Variants in ANXA3 observed in about 807,000 individuals in gnomAD.
ANXA3 encodes 35-alpha calcimedin.
Under a neutral mutation model 48.8 loss-of-function variants are expected in ANXA3, and 46 were observed. The observed-to-expected ratio is 0.94, with a 90% confidence interval of 0.74 to 1.21. The LOEUF is 1.21. ANXA3 is among the 50% of genes most tolerant of loss of function. The pLI is 0.00. For missense variants in ANXA3, 383 were observed against 378.6 expected, an observed-to-expected ratio of 1.01 and a Z score of -0.10; for synonymous variants, 128 against 134.7, an observed-to-expected ratio of 0.95 and a Z score of 0.35.
chr4:78,608,409 C>T (rs564787247), intron 12 of ANXA3, among the ~76,000 whole-genome samples: 13 of 152,060 alleles, frequency 8.5e-5, no homozygotes, highest in South Asian at 4.2e-4. Context: ...ATGTGGGGGC[C>T]AGATCATGCA....
intron 2 of ANXA3, among the ~76,000 whole-genome samples, chr4:78,557,725 C>T (rs1285267327): frequency 5.3e-5 from 8 of 150,760 alleles, no homozygotes; most frequent in Non-Finnish European, 1.2e-4. Flanking sequence ...TACCTCCTCT[C>T]CCTCAATTAA....
intron 1 of ANXA3, among the ~76,000 whole-genome samples, 154 bp from the exon 2 acceptor site, chr4:78,554,282 T>G (rs1308518003): frequency 6.6e-6 from 1 of 152,232 alleles, no homozygotes; most frequent in Non-Finnish European, 1.5e-5. Context: ...GTTTAGCAAA[T>G]GGGATACCCA....
At chr4:78,579,481 T>G (rs1023065454) in intron 4 of ANXA3, among the ~76,000 whole-genome samples, 8 of 152,278 alleles carry the variant, frequency 5.3e-5, no homozygotes, top group African/African-American at 9.6e-5. Context: ...GTAGTAGGCA[T>G]AGGTCAGGGA....
At chr4:78,595,498 T>C in intron 8 of ANXA3, 61 bp downstream of exon 8, 1 of 1,544,614 alleles carries the variant, frequency 6.5e-7, no homozygotes. Context: ...TGCCTTTGCA[T>C]TTATGTGAAA....
intron 4 of ANXA3, among the ~76,000 whole-genome samples, chr4:78,579,917 T>C (rs1723038192): frequency 6.6e-6 from 1 of 152,118 alleles, no homozygotes; most frequent in Non-Finnish European, 1.5e-5. Flanking sequence ...AGAGCAAGAC[T>C]CCGTCTCAAA....
intron 5 of ANXA3, among the ~76,000 whole-genome samples, chr4:78,585,320 G>A (rs750271986): frequency 6.6e-6 from 1 of 152,162 alleles, no homozygotes; most frequent in African/African-American, 2.4e-5. Context: ...CTTCTATCTT[G>A]AGGCTCTGCC....
intron 2 of ANXA3, among the ~76,000 whole-genome samples, chr4:78,558,748 C>T (rs1325472968): frequency 6.6e-6 from 1 of 152,218 alleles, no homozygotes; most frequent in Non-Finnish European, 1.5e-5. Context: ...TGTTCTACCA[C>T]TTCACCCTTG....
At chr4:78,597,508 C>G in intron 10 of ANXA3, 94 bp downstream of exon 10, 2 of 806,986 alleles carry the variant, frequency 2.5e-6, no homozygotes. Flanking sequence ...CCTGACTGAT[C>G]CATTTTTTTT....
chr4:78,598,179 C>CCA (rs57634883), intron 10 of ANXA3, among the ~76,000 whole-genome samples: 6,884 of 144,664 alleles, frequency 0.048, 335 homozygotes, highest in African/African-American at 0.12. Context: ...ATTAAAAAAA[C>CCA]CACACACACA....
At chr4:78,555,771 A>T (rs1722500027) in intron 2 of ANXA3, among the ~76,000 whole-genome samples, 1 of 152,042 alleles carries the variant, frequency 6.6e-6, no homozygotes, top group Non-Finnish European at 1.5e-5. Context: ...AGATCGCTTA[A>T]GCCCAAGAGG....
rs1346498703 is a variant in ANXA3 at position 78,601,490 on chromosome 4, T to C, written c.731-20T>C. The C allele has an allele frequency of 6.2e-7, 1 of 1,612,148 alleles. No individual in the cohort carries two copies. Among genetic ancestry groups the C allele is most frequent in the Non-Finnish European group, 8.5e-7 (1 of 1,178,352 alleles). On this transcript the variant is annotated intron_variant, in intron 10 of 12. Transcript: ENST00000264908. ...AATTTCTATTCCGTGAAGCTGAACA[T>C]TATTTGCTTTTTGTTACAGTTAATT...
At chr4:78,566,756 C>T (rs1029292588) in intron 2 of ANXA3, among the ~76,000 whole-genome samples, 6 of 152,154 alleles carry the variant, frequency 3.9e-5, no homozygotes, top group Non-Finnish European at 7.4e-5. Flanking sequence ...AAAGCCAAGA[C>T]TTCACCACCA....
At chr4:78,575,141 T>C (rs541147360) in intron 3 of ANXA3, among the ~76,000 whole-genome samples, 2 of 152,356 alleles carry the variant, frequency 1.3e-5, no homozygotes, top group East Asian at 3.8e-4. Context: ...TCCTCACTTG[T>C]GCATCTGCTT....
chr4:78,593,763 A>G (rs28840375), intron 7 of ANXA3, among the ~76,000 whole-genome samples: 4,942 of 142,856 alleles, frequency 0.035, 324 homozygotes, highest in African/African-American at 0.12. Context: ...CAGCCTCCTG[A>G]GTAACTGGGA....
chr4:78,582,746 T>C (rs963979343), intron 5 of ANXA3, among the ~76,000 whole-genome samples: 7 of 152,212 alleles, frequency 4.6e-5, no homozygotes, highest in Admixed American at 2.0e-4. Context: ...TCTTGACTGG[T>C]CCATATCAAT....
chr4:78,564,831 A>G (rs1722696532), intron 2 of ANXA3, among the ~76,000 whole-genome samples: 1 of 152,106 alleles, frequency 6.6e-6, no homozygotes, highest in Admixed American at 6.5e-5. Flanking sequence ...TGACTTTCAA[A>G]GAACTGAAGT....
At chr4:78,608,089 T>C (rs967161815) in intron 12 of ANXA3, among the ~76,000 whole-genome samples, 2 of 152,128 alleles carry the variant, frequency 1.3e-5, no homozygotes, top group Non-Finnish European at 2.9e-5. Context: ...ATCAAATGCA[T>C]ATTATGTGCT....
At chr4:78,573,771 G>A (rs1341027200) in intron 3 of ANXA3, among the ~76,000 whole-genome samples, 1 of 152,180 alleles carries the variant, frequency 6.6e-6, no homozygotes, top group Non-Finnish European at 1.5e-5. Flanking sequence ...TGAAACTGTA[G>A]TGCCACCCCT....
chr4:78,562,706 A>T (rs1220895041), intron 2 of ANXA3, among the ~76,000 whole-genome samples: 1 of 152,246 alleles, frequency 6.6e-6, no homozygotes, highest in African/African-American at 2.4e-5. Flanking sequence ...ACAATAAATG[A>T]AGAAATAAAT....
Sources: gnomAD v4.1 joint callset for allele counts (sites outside exome capture counted in the v4.1 genomes callset) on GRCh38, gnomAD v4.1.1 for gene constraint, MANE v1.5 for transcripts, NCBI Gene and HGNC (gene_info 2026-07-23, HGNC 2026-07-21) for gene names.